The following UNC13C variants were observed in gnomAD, a reference collection of about 807,000 sequenced individuals.
UNC13C encodes the protein unc-13 homolog C, also known as protein unc-13 homolog C.
In UNC13C, 174 loss-of-function variants were observed where a neutral mutation model predicts 245.4. The observed-to-expected ratio is 0.71, with a 90% CI of 0.63 to 0.80. UNC13C has a LOEUF of 0.80. Among genes scored for constraint, UNC13C ranks in the 30% least tolerant of loss-of-function variants. The probability of loss-of-function intolerance (pLI) is 0.00; values close to 1 mark genes in which losing one functional copy is unlikely to be tolerated. For synonymous variants in UNC13C, 992 were observed against 895.1 expected, an observed-to-expected ratio of 1.11 and a Z score of -1.93; for missense variants, 2,829 against 2,602.9, an observed-to-expected ratio of 1.09 and a Z score of -1.89.
chr15:53,903,578 C>A, the UNC13C span, among the ~76,000 whole-genome samples: 4 of 152,274 alleles, frequency 2.6e-5, no homozygotes, highest in African/African-American at 9.6e-5. Flanking sequence ...TTGCCCTCAG[C>A]CAAATCAACA....
intron 2 of UNC13C, among the ~76,000 whole-genome samples, chr15:54,140,738 T>C (rs1001964189): frequency 2.0e-5 from 3 of 152,236 alleles, no homozygotes; most frequent in Non-Finnish European, 4.4e-5. Context: ...AAGTTTATGA[T>C]GTGAATGAGA....
chr15:54,589,899 G>A lies in UNC13C; in HGVS notation c.6106+21952G>A, dbSNP rs144821941. ...ATAGGAGGGTTTTTCCAATGTTATC[G>A]TCTAGAATTTTTATAGTTTCAGGTC... On this transcript the variant is annotated intron_variant, in intron 30 of 32. Coordinates refer to ENST00000260323, the MANE Select transcript of UNC13C (RefSeq NM_001080534.3). 4.8e-3 allele frequency among the ~76,000 whole-genome samples: 731 copies of A among 152,050 alleles called. 5 individuals are homozygous for A. The highest frequency in any genetic ancestry group is 0.016 in the African/African-American group (681 of 41,512).
chr15:54,029,897 T>C (rs1477217129), intron 2 of UNC13C, among the ~76,000 whole-genome samples: 1 of 152,202 alleles, frequency 6.6e-6, no homozygotes, highest in African/African-American at 2.4e-5. Flanking sequence ...TTCAGATCTC[T>C]GCCTCAGTCT....
chr15:54,313,625 T>G (rs1285738899), intron 13 of UNC13C, among the ~76,000 whole-genome samples: 1 of 151,832 alleles, frequency 6.6e-6, no homozygotes, highest in East Asian at 1.9e-4. Flanking sequence ...AAGTATATAA[T>G]GTAAAACTGT....
intron 4 of UNC13C, among the ~76,000 whole-genome samples, chr15:54,150,974 G>T (rs1223256868): frequency 6.6e-6 from 1 of 152,146 alleles, no homozygotes; most frequent in Non-Finnish European, 1.5e-5. Context: ...AAATGGAGCT[G>T]TCATCCTGAA....
chr15:54,471,694 T>C (rs1020176971), intron 19 of UNC13C, among the ~76,000 whole-genome samples: 7 of 151,592 alleles, frequency 4.6e-5, no homozygotes, highest in African/African-American at 1.7e-4. Context: ...GGAAAATTGT[T>C]GGTATACACT....
intron 19 of UNC13C, among the ~76,000 whole-genome samples, chr15:54,454,790 T>C (rs541995077): frequency 7.5e-6 from 1 of 134,096 alleles, no homozygotes; most frequent in African/African-American, 2.9e-5. Flanking sequence ...ATCTCTTTTT[T>C]AAATTTTATT....
intron 17 of UNC13C, among the ~76,000 whole-genome samples, chr15:54,348,501 A>G (rs2038910108): frequency 6.6e-6 from 1 of 152,172 alleles, no homozygotes; most frequent in African/African-American, 2.4e-5. Context: ...AATTCTATCA[A>G]AAAACATCTC....
chr15:54,462,782 AC>A (rs927349625), intron 19 of UNC13C, among the ~76,000 whole-genome samples: 2 of 152,144 alleles, frequency 1.3e-5, no homozygotes, highest in Non-Finnish European at 2.9e-5. Context: ...GACGGGCGCC[AC>A]CCCCTGCTCC....
At chr15:54,390,888 G>T (rs1596317411) in intron 17 of UNC13C, among the ~76,000 whole-genome samples, 1 of 149,736 alleles carries the variant, frequency 6.7e-6, no homozygotes. Flanking sequence ...TTAAAGTAGG[G>T]AAAGCCTGGT....
At chr15:54,595,511 G>A (rs1251259861) in intron 30 of UNC13C, among the ~76,000 whole-genome samples, 2 of 152,178 alleles carry the variant, frequency 1.3e-5, no homozygotes, top group Admixed American at 6.5e-5. Flanking sequence ...CAGTTCATCT[G>A]GAGCTAAAAT....
chr15:54,473,994 T>C (rs1233228759), intron 19 of UNC13C, among the ~76,000 whole-genome samples: 1 of 152,000 alleles, frequency 6.6e-6, no homozygotes, highest in Non-Finnish European at 1.5e-5. Flanking sequence ...TCTGGATTTC[T>C]GCAAAAGACA....
intron 2 of UNC13C, chr15:54,049,377 A>G: frequency 1.9e-6 from 1 of 517,048 alleles, no homozygotes; most frequent in Non-Finnish European, 3.9e-6. Flanking sequence ...CCTGCAGGAT[A>G]AAACTAACAG....
chr15:54,449,079 C>T (rs558732187), intron 19 of UNC13C, among the ~76,000 whole-genome samples: 1 of 152,256 alleles, frequency 6.6e-6, no homozygotes, highest in South Asian at 2.1e-4. Context: ...AAATTCTTTT[C>T]TTTAAGAATG....
chr15:54,357,550 A>G (rs1373479342), intron 17 of UNC13C, among the ~76,000 whole-genome samples: 1 of 152,040 alleles, frequency 6.6e-6, no homozygotes, highest in East Asian at 1.9e-4. Context: ...CTTTTTGTAC[A>G]CTGATAAATA....
At chr15:53,898,983 C>T in the UNC13C span, among the ~76,000 whole-genome samples, 1 of 151,956 alleles carries the variant, frequency 6.6e-6, no homozygotes, top group Non-Finnish European at 1.5e-5. Flanking sequence ...TCCCCCACAC[C>T]ATGCTCACTT....
intron 26 of UNC13C, among the ~76,000 whole-genome samples, chr15:54,539,862 CT>C (rs1179324906): frequency 6.6e-6 from 1 of 151,872 alleles, no homozygotes; most frequent in Non-Finnish European, 1.5e-5. Context: ...CATTTTGATT[CT>C]TATTTTTACT....
intron 2 of UNC13C, among the ~76,000 whole-genome samples, chr15:54,035,378 C>T (rs1277550159): frequency 6.6e-6 from 1 of 151,996 alleles, no homozygotes; most frequent in African/African-American, 2.4e-5. Context: ...TCTTTCTAAA[C>T]ATCATAGGCA....
the UNC13C span, among the ~76,000 whole-genome samples, chr15:53,905,608 A>G: frequency 6.6e-6 from 1 of 152,132 alleles, no homozygotes; most frequent in Admixed American, 6.6e-5. Context: ...GGTGGTTGTC[A>G]GAGACTGGGG....
Sources: gnomAD v4.1 joint callset for allele counts (sites outside exome capture counted in the v4.1 genomes callset) on GRCh38, gnomAD v4.1.1 for gene constraint, MANE v1.5 for transcripts, NCBI Gene and HGNC (gene_info 2026-07-23, HGNC 2026-07-21) for gene names.